RELCH: variants seen among roughly 807,000 people sequenced by gnomAD.
RELCH encodes RAB11 binding and LisH domain, coiled-coil and HEAT repeat containing.
Under a neutral mutation model 150.3 loss-of-function variants are expected in RELCH, and 41 were observed. The observed-to-expected ratio is 0.27, with a 90% CI of 0.21 to 0.35. The LOEUF is 0.35. Among genes scored for constraint, RELCH ranks in the 10% least tolerant of loss-of-function variants. RELCH has a pLI of 1.00. For missense variants in RELCH, 1,092 were observed against 1,467.8 expected (o/e 0.74, Z 4.18); for synonymous variants, 478 against 531.8 (o/e 0.90, Z 1.39).
intron 8 of RELCH, 92 bp from the exon 9 acceptor site, chr18:62,231,102 G>A (rs1197430203): frequency 3.4e-5 from 29 of 842,300 alleles, no homozygotes; most frequent in Non-Finnish European, 4.6e-5. Flanking sequence ...GATTAATGCT[G>A]GAATGGAAGT....
chr18:62,214,568 T>C (rs2040370445), intron 2 of RELCH, among the ~76,000 whole-genome samples: 1 of 152,168 alleles, frequency 6.6e-6, no homozygotes, highest in Non-Finnish European at 1.5e-5. Context: ...ATGGAGACTC[T>C]GTGGCAGCTC....
intron 2 of RELCH, among the ~76,000 whole-genome samples, chr18:62,212,850 CAA>C (rs1277979146): frequency 6.6e-6 from 1 of 152,012 alleles, no homozygotes; most frequent in African/African-American, 2.4e-5. Flanking sequence ...ATTCCTTGCT[CAA>C]GACTAGAGAT....
intron 5 of RELCH, 64 bp downstream of exon 5, chr18:62,221,561 C>T (rs796388162): frequency 1.1e-5 from 7 of 656,044 alleles, no homozygotes; most frequent in Admixed American, 3.4e-5. Context: ...TTTTCTTTTA[C>T]GTAGTTTCTT....
chr18:62,213,066 A>G (rs757903906), intron 2 of RELCH, among the ~76,000 whole-genome samples: 15 of 152,188 alleles, frequency 9.9e-5, no homozygotes, highest in Admixed American at 2.6e-4. Context: ...CAAAGTGGCA[A>G]ATCACATTGG....
rs1460437819 is a variant in RELCH, at chr18:62,258,545, C to T, written c.2071C>T (p.Pro691Ser). 5.6e-6 allele frequency: 9 copies of T among 1,607,226 alleles called. No individual in the cohort carries two copies. The highest frequency in any genetic ancestry group is 1.3e-5 in the African/African-American group (1 of 74,268). ...FELLLSALGDPSERVVSATHQ... is the reference protein window; with the variant it reads ...FELLLSALGDSSERVVSATHQ... ...ATTGTTGCTGTCAGCCTTGGGTGAT[C>T]CCTCAGAAAGAGTAGTTAGTGCTAC... The change falls in exon 15 of 29, where the codon CCC (proline) becomes TCC (serine). Residue 691 changes from proline to serine, a missense_variant. Physicochemically the swap from Pro to Ser is moderately conservative, Grantham distance 74. Transcript: ENST00000644646.
chr18:62,214,591 A>C (rs1442304331), intron 2 of RELCH, among the ~76,000 whole-genome samples: 1 of 152,132 alleles, frequency 6.6e-6, no homozygotes, highest in East Asian at 1.9e-4. Context: ...ACCCTGCAGT[A>C]GGTTTCTGCC....
At position 62,196,868 on chromosome 18, in the gene RELCH, G is replaced by A. The variant is rs527584373; in HGVS notation, c.526+8837G>A. On this transcript the variant is annotated intron_variant, in intron 1 of 28. Transcript: ENST00000644646. ...AAGACTAACACATGAAAGAATTTGA[G>A]AATAGTCTCCTGTGGCAAAGATAAT... is the stretch of plus-strand genomic sequence containing the variant. Among the ~76,000 whole-genome samples the A allele has an allele frequency of 3.3e-5, 5 of 152,282 alleles. No individual in the cohort carries two copies. In the South Asian group the frequency reaches 1.0e-3, roughly 32 times the overall value.
At chr18:62,195,724 G>T (rs1325820790) in intron 1 of RELCH, among the ~76,000 whole-genome samples, 2 of 151,068 alleles carry the variant, frequency 1.3e-5, no homozygotes, top group Non-Finnish European at 2.9e-5. Flanking sequence ...TTTCGAGACG[G>T]AGTCTCCCTC....
chr18:62,260,737 A>G (rs143062531), intron 15 of RELCH, among the ~76,000 whole-genome samples: 1 of 152,122 alleles, frequency 6.6e-6, no homozygotes, highest in East Asian at 1.9e-4. Context: ...TTATTCAGCC[A>G]TTAAAAAAAG....
chr18:62,294,703 A>G (rs974163165), intron 27 of RELCH, among the ~76,000 whole-genome samples: 1 of 152,230 alleles, frequency 6.6e-6, no homozygotes, highest in Non-Finnish European at 1.5e-5. Context: ...TTGATCATTT[A>G]TAAAAGACAT....
intron 22 of RELCH, 29 bp downstream of exon 22, chr18:62,275,502 C>A: frequency 1.2e-5 from 16 of 1,323,120 alleles, no homozygotes; most frequent in Non-Finnish European, 1.6e-5. Context: ...CTGTTGGTTT[C>A]AATTATAATG....
rs149963662 is a variant in RELCH at position 62,267,051 on chromosome 18, C to G, written c.2680+302C>G. ...CTTTAGAGGTCTGAAGTAGTATATT[C>G]AAGAGACTGACAATTATAAAATAAG... On this transcript the variant is annotated intron_variant, in intron 19 of 28. Coordinates refer to ENST00000644646, the MANE Select transcript of RELCH (RefSeq NM_001346231.2). 2.1e-3 allele frequency among the ~76,000 whole-genome samples: 315 copies of G among 151,914 alleles called. 4 individuals carry two copies. Among genetic ancestry groups the G allele is most frequent in the African/African-American group, 7.4e-3 (305 of 41,482 alleles).
chr18:62,228,705 T>C (rs970996156), intron 8 of RELCH, 107 bp downstream of exon 8: 1 of 776,052 alleles, frequency 1.3e-6, no homozygotes, highest in African/African-American at 1.8e-5. Flanking sequence ...AGATCAAATA[T>C]ATTAATTTTT....
At position 62,306,446 on chromosome 18, in the gene RELCH, T is replaced by A. The variant is rs866085671; in HGVS notation, c.*912T>A. On this transcript the variant is annotated 3_prime_UTR_variant, in exon 29 of 29. Transcript: ENST00000644646. ...ACACTTTATTTAAGATATTTTCTAA[T>A]GATTTTAATTTTAGAGAGTACCTTT... is the stretch of plus-strand genomic sequence containing the variant. The A allele has an allele frequency of 1.3e-5, 2 of 152,360 alleles. No homozygotes were observed. The highest frequency in any genetic ancestry group is 6.8e-3 in the Middle Eastern group (2 of 294). The allele number at this position is 152,360 out of a possible 1,614,324, so 9.4% of individuals were successfully genotyped here. A position where few individuals can be genotyped will look rare whatever the true frequency, so the allele number is the denominator to read the frequency against.
chr18:62,240,820 A>G (rs998066608), intron 10 of RELCH, among the ~76,000 whole-genome samples: 1 of 152,098 alleles, frequency 6.6e-6, no homozygotes, highest in Non-Finnish European at 1.5e-5. Context: ...AAATATGGCT[A>G]TATTAGCTGG....
At chr18:62,231,957 G>A (rs1259054424) in intron 9 of RELCH, among the ~76,000 whole-genome samples, 2 of 151,996 alleles carry the variant, frequency 1.3e-5, no homozygotes, top group Non-Finnish European at 2.9e-5. Flanking sequence ...GATTATCACT[G>A]TAGCTAATGG....
chr18:62,275,473 G>T lies in RELCH; in HGVS notation c.2967G>T (p.Glu989Asp). 6.3e-7 allele frequency: 1 copy of T among 1,589,580 alleles called. No individual in the cohort carries two copies. The highest frequency in any genetic ancestry group is 8.6e-7 in the Non-Finnish European group (1 of 1,159,638). Reference protein sequence around the residue: ...LVRCTAARMFELLVKGVNETL... With the variant: ...LVRCTAARMFDLLVKGVNETL... ...GGTGTACTGCTGCTAGAATGTTTGA[G>T]GTATGTCAACACATGCCTCTGTTGG... The change falls in exon 22 of 29, where the codon GAG becomes GAT. Residue 989 changes from glutamate (E) to aspartate (D), a missense_variant and splice_region_variant. Around this residue, in one of 4 missense-constraint regions of RELCH, gnomAD observed 707 missense variants for 1,025.4 expected, o/e 0.69. Coordinates refer to ENST00000644646, the MANE Select transcript of RELCH (RefSeq NM_001346231.2).
At chr18:62,225,758 A>T (rs1458609197) in intron 5 of RELCH, among the ~76,000 whole-genome samples, 2 of 151,880 alleles carry the variant, frequency 1.3e-5, no homozygotes, top group South Asian at 2.1e-4. Context: ...TGAATGATAG[A>T]TAGATGGACA....
At chr18:62,235,643 A>G (rs1168218607) in intron 10 of RELCH, among the ~76,000 whole-genome samples, 1 of 151,982 alleles carries the variant, frequency 6.6e-6, no homozygotes, top group Non-Finnish European at 1.5e-5. Context: ...TGTAATTTTT[A>G]GTATACAATT....
Sources: gnomAD v4.1 joint callset for allele counts (sites outside exome capture counted in the v4.1 genomes callset) on GRCh38, gnomAD v4.1.1 for gene constraint, gnomAD v4.1.1 regional missense constraint, MANE v1.5 for transcripts, NCBI Gene and HGNC (gene_info 2026-07-23, HGNC 2026-07-21) for gene names.